The following ZCCHC14 variants were observed in gnomAD, a reference collection of about 807,000 sequenced individuals.
ZCCHC14 encodes zinc finger CCHC-type containing 14, also known as zinc finger CCHC domain-containing protein 14.
In ZCCHC14, 16 loss-of-function variants were observed where a neutral mutation model predicts 85.0. The ratio of observed to expected loss-of-function variants is 0.19; its 90% CI spans 0.13 to 0.29. ZCCHC14 has a LOEUF of 0.29. ZCCHC14 is among the 10% of genes least tolerant of loss of function. The pLI is 1.00. For missense variants in ZCCHC14, 1,303 were observed against 1,443.5 expected (o/e 0.90, Z 1.58); for synonymous variants, 775 against 630.7 (o/e 1.23, Z -3.43).
intron 3 of ZCCHC14, among the ~76,000 whole-genome samples, chr16:87,432,754 G>A (rs1019590415): frequency 6.6e-6 from 1 of 152,196 alleles, no homozygotes; most frequent in East Asian, 1.9e-4. Flanking sequence ...TTTAAGGAGC[G>A]TTCCCTGCCC....
chr16:87,430,525 T>TA (rs1360397263), intron 3 of ZCCHC14, among the ~76,000 whole-genome samples: 2 of 141,758 alleles, frequency 1.4e-5, no homozygotes, highest in East Asian at 4.1e-4. Flanking sequence ...GATTTCTTTC[T>TA]TTTTTTTTTT....
In ZCCHC14 at chr16:87,492,444, C is replaced by A. The variant is rs1199343962; in HGVS notation, c.-206G>T. The stretch of plus-strand genomic sequence containing the variant: ...GCCGGGCAAGGCTCCCGTCAGGGGC[C>A]GGCGGGCGGGCGCGCGCGGGGCGCC... On this transcript the variant is annotated 5_prime_UTR_variant, in exon 1 of 13. Transcript: ENST00000671377. The surrounding 1 kb of genome is among the most constrained non-coding windows in gnomAD (Gnocchi z 6.7). 6.3e-5 allele frequency: 9 copies of A among 143,586 alleles called. No individual in the cohort carries two copies. Among genetic ancestry groups the A allele is most frequent in the African/African-American group, 2.3e-4 (9 of 39,996 alleles). 8.9% of individuals were successfully genotyped at this position (143,586 alleles called of 1,614,324 possible). A position where few individuals can be genotyped will look rare whatever the true frequency, so the allele number is the denominator to read the frequency against.
At chr16:87,481,335 G>A (rs951843934) in intron 1 of ZCCHC14, among the ~76,000 whole-genome samples, 2 of 152,062 alleles carry the variant, frequency 1.3e-5, no homozygotes, top group African/African-American at 4.8e-5. Context: ...GACATCAACT[G>A]ACTTGCATTC....
chr16:87,418,954 GTTTT>G (rs2150727218), intron 6 of ZCCHC14, 53 bp from the exon 7 acceptor site: 1 of 1,487,642 alleles, frequency 6.7e-7, no homozygotes, highest in East Asian at 2.5e-5. Flanking sequence ...GAAAATATTT[GTTTT>G]ATTTTATTAT....
chr16:87,416,697 AG>A (rs549803541), intron 8 of ZCCHC14, among the ~76,000 whole-genome samples: 306 of 152,326 alleles, frequency 2.0e-3, no homozygotes, highest in African/African-American at 6.9e-3. Context: ...CAGAGGTTGC[AG>A]GGAGCCGAGA....
intron 3 of ZCCHC14, among the ~76,000 whole-genome samples, chr16:87,432,660 C>G (rs192846423): frequency 6.6e-6 from 1 of 152,102 alleles, no homozygotes; most frequent in African/African-American, 2.4e-5. Context: ...CGTGGGTCAC[C>G]GGGAAACACA....
intron 1 of ZCCHC14, chr16:87,472,658 A>G (rs1049409163): frequency 3.9e-5 from 6 of 152,316 alleles, no homozygotes; most frequent in African/African-American, 1.4e-4. Flanking sequence ...CAATCTCAAC[A>G]ATCTCTGAAG....
chr16:87,410,400 TGTCCA>T (rs1908377855), intron 12 of ZCCHC14, 65 bp from the exon 13 acceptor site: 1 of 683,692 alleles, frequency 1.5e-6, no homozygotes, highest in Middle Eastern at 2.5e-4. Flanking sequence ...ACCACCAATC[TGTCCA>T]GTCATGTCCA....
intron 3 of ZCCHC14, 30 bp downstream of exon 3, chr16:87,433,098 G>A: frequency 6.2e-7 from 1 of 1,608,952 alleles, no homozygotes; most frequent in South Asian, 1.1e-5. Flanking sequence ...AGCCTTCCAG[G>A]AGAGAGGGGA....
At chr16:87,414,614 G>T in intron 9 of ZCCHC14, 73 bp from the exon 10 acceptor site, 1 of 1,526,662 alleles carries the variant, frequency 6.6e-7, no homozygotes, top group Non-Finnish European at 8.8e-7. Context: ...CTTCAAGACG[G>T]GTCTACTCCA....
chr16:87,477,551 CACAA>C (rs1276450958), intron 1 of ZCCHC14, among the ~76,000 whole-genome samples: 7 of 152,342 alleles, frequency 4.6e-5, no homozygotes, highest in African/African-American at 9.6e-5. Context: ...GAAGTCAACA[CACAA>C]ACAATTTTAA....
intron 1 of ZCCHC14, among the ~76,000 whole-genome samples, chr16:87,479,274 G>A (rs1410418829): frequency 6.6e-6 from 1 of 151,910 alleles, no homozygotes; most frequent in African/African-American, 2.4e-5. Flanking sequence ...AAATTAGCCG[G>A]GTGTGGTGGC....
At chr16:87,443,532 T>TA (rs1910285506) in intron 2 of ZCCHC14, among the ~76,000 whole-genome samples, 1 of 152,102 alleles carries the variant, frequency 6.6e-6, no homozygotes, top group South Asian at 2.1e-4. Flanking sequence ...GCTGAGAAGT[T>TA]AGAGACTAGC....
chr16:87,438,498 C>A (rs555017831), intron 2 of ZCCHC14, among the ~76,000 whole-genome samples: 2 of 152,182 alleles, frequency 1.3e-5, no homozygotes, highest in African/African-American at 4.8e-5. Flanking sequence ...GGGAAGGAGA[C>A]GGAATGATGC....
At chr16:87,458,834 C>T (rs1003957209) in intron 2 of ZCCHC14, among the ~76,000 whole-genome samples, 1 of 152,214 alleles carries the variant, frequency 6.6e-6, no homozygotes, top group Non-Finnish European at 1.5e-5. Flanking sequence ...GATGCGGACA[C>T]AGCCGGCCTC....
rs1912854862 is a variant in ZCCHC14, at chr16:87,492,998, T to C, written c.-760A>G. On this transcript the variant is annotated 5_prime_UTR_variant, in exon 1 of 13. Transcript: ENST00000671377. This position sits in a 1 kb window ranked among gnomAD's most constrained non-coding sequence, Gnocchi z 6.7. Reference sequence around the variant, plus strand: ...GCGGAGGGATCGTCGCGCTCGCGGCTGACGGGCGGCCGGGATCAGCAGAAG... The same window carrying C: ...GCGGAGGGATCGTCGCGCTCGCGGCCGACGGGCGGCCGGGATCAGCAGAAG... 6.6e-6 allele frequency among the ~76,000 whole-genome samples: 1 copy of C among 151,712 alleles called. No homozygotes were observed.
At chr16:87,462,179 G>C (rs944595423) in intron 1 of ZCCHC14, among the ~76,000 whole-genome samples, 8 of 150,708 alleles carry the variant, frequency 5.3e-5, no homozygotes, top group South Asian at 2.1e-4. Context: ...CAATTCTTTG[G>C]ATAACTTAAT....
rs1361094290 is a variant in ZCCHC14, at chr16:87,420,335, C to T, written c.950+272G>A. Among the ~76,000 whole-genome samples, 1 of 152,234 alleles carries T rather than the reference C, an allele frequency of 6.6e-6. No individual in the cohort carries two copies. On this transcript the variant is annotated intron_variant, in intron 5 of 12. Transcript: ENST00000671377. This position sits in a 1 kb window ranked among gnomAD's most constrained non-coding sequence, Gnocchi z 5.0. Reference sequence around the variant, plus strand: ...ACCTTGGACTACAGGATGGAAACAGCAGCCCAGGATTATTTCACAGGACTG... The same window carrying T: ...ACCTTGGACTACAGGATGGAAACAGTAGCCCAGGATTATTTCACAGGACTG...
At chr16:87,467,500 T>C in intron 1 of ZCCHC14, 2 of 1,606,552 alleles carry the variant, frequency 1.2e-6, no homozygotes, top group Non-Finnish European at 8.5e-7. Flanking sequence ...CACTATGACA[T>C]GAATACAGCA....
Sources: allele counts gnomAD v4.1 joint callset (sites outside exome capture counted in the v4.1 genomes callset), GRCh38; gene constraint gnomAD v4.1.1; non-coding constraint Gnocchi (gnomAD v3.1); transcripts MANE v1.5; gene names NCBI Gene and HGNC (gene_info 2026-07-23, HGNC 2026-07-21).